KGD4: variants seen among roughly 807,000 people sequenced by gnomAD.
KGD4 encodes the protein alpha-ketoglutarate dehydrogenase component 4.
chr5:69,224,704 C>T, the KGD4 span, among the ~76,000 whole-genome samples: 10 of 151,986 alleles, frequency 6.6e-5, no homozygotes, highest in Admixed American at 3.9e-4. Flanking sequence ...GCGGAGGTTG[C>T]GGTAAGGCCA....
chr5:69,225,129 G>A, the KGD4 span, among the ~76,000 whole-genome samples: 1 of 150,990 alleles, frequency 6.6e-6, no homozygotes, highest in African/African-American at 2.4e-5. Flanking sequence ...CTTTGAGATG[G>A]GGTCTCACTC....
chr5:69,225,262 AT>A, the KGD4 span, among the ~76,000 whole-genome samples: 10,049 of 104,178 alleles, frequency 0.096, 372 homozygotes, highest in Admixed American at 0.16. Flanking sequence ...ATAGCACCAC[AT>A]TTTTTTTTTT....
At chr5:69,223,893 T>C in the KGD4 span, among the ~76,000 whole-genome samples, 90,942 of 151,464 alleles carry the variant, frequency 0.6, 27,768 homozygotes, top group African/African-American at 0.71. Context: ...ATTAGCCGGG[T>C]GTGGTGGCGG....
chr5:69,218,347 C>G, the KGD4 span, among the ~76,000 whole-genome samples: 48 of 152,202 alleles, frequency 3.2e-4, no homozygotes, highest in African/African-American at 1.0e-3. Context: ...GGCAACTGGC[C>G]CCGCGTACTG....
chr5:69,229,261 T>C, the KGD4 span: 291 of 1,593,076 alleles, frequency 1.8e-4, 1 homozygote, highest in Admixed American at 1.7e-4. Flanking sequence ...GACAATAGAA[T>C]TGTCTTTACA....
chr5:69,228,886 G>A, the KGD4 span, among the ~76,000 whole-genome samples: 1 of 151,752 alleles, frequency 6.6e-6, no homozygotes, highest in African/African-American at 2.4e-5. Context: ...GTGGTGGTGG[G>A]TACCTGTAAT....
chr5:69,225,709 T>C, the KGD4 span, among the ~76,000 whole-genome samples: 1 of 151,916 alleles, frequency 6.6e-6, no homozygotes, highest in Admixed American at 6.6e-5. Flanking sequence ...GCCTCCCAAG[T>C]AGCTAGGATT....
At chr5:69,228,757 G>A in the KGD4 span, among the ~76,000 whole-genome samples, 1 of 152,102 alleles carries the variant, frequency 6.6e-6, no homozygotes, top group Non-Finnish European at 1.5e-5. Context: ...GCTCATGCCT[G>A]TAATCCCAGC....
chr5:69,226,911 G>T, the KGD4 span, among the ~76,000 whole-genome samples: 1 of 151,658 alleles, frequency 6.6e-6, no homozygotes, highest in Admixed American at 6.6e-5. Context: ...TTGCTCTGTC[G>T]CCCAGGCTGG....
chr5:69,228,093 A>G, the KGD4 span: 6 of 854,288 alleles, frequency 7.0e-6, no homozygotes, highest in Non-Finnish European at 1.0e-5. Context: ...TATTTGAAGA[A>G]TGACTTCATT....
chr5:69,222,454 C>T, the KGD4 span, among the ~76,000 whole-genome samples: 139 of 152,270 alleles, frequency 9.1e-4, 1 homozygote, highest in Non-Finnish European at 7.2e-4. Context: ...GTACATAAGA[C>T]AGTAGGGGAG....
chr5:69,228,717 T>C, the KGD4 span, among the ~76,000 whole-genome samples: 2 of 152,036 alleles, frequency 1.3e-5, no homozygotes, highest in Non-Finnish European at 2.9e-5. Flanking sequence ...TCTGAAATTA[T>C]AAGAATTGAT....
At chr5:69,219,346 A>G in the KGD4 span, among the ~76,000 whole-genome samples, 3 of 152,126 alleles carry the variant, frequency 2.0e-5, no homozygotes, top group African/African-American at 7.2e-5. Context: ...GAAAAAAAAG[A>G]GTTACTAGCA....
the KGD4 span, among the ~76,000 whole-genome samples, chr5:69,225,960 C>A: frequency 1.3e-5 from 2 of 152,228 alleles, no homozygotes; most frequent in South Asian, 4.1e-4. Context: ...CAAACTCCTG[C>A]ACTCACGCAA....
At chr5:69,217,776 C>T in the KGD4 span, 2 of 1,612,300 alleles carry the variant, frequency 1.2e-6, no homozygotes, top group Non-Finnish European at 1.7e-6. Flanking sequence ...GCCCGGGACT[C>T]CAGTGATCGC....
chr5:69,220,247 CAT>C, the KGD4 span, among the ~76,000 whole-genome samples: 2 of 150,752 alleles, frequency 1.3e-5, no homozygotes, highest in African/African-American at 4.9e-5. Flanking sequence ...AACAAAAAAA[CAT>C]AGAGCTTAGA....
chr5:69,229,108 A>T, the KGD4 span: 1 of 948,770 alleles, frequency 1.1e-6, no homozygotes, highest in Non-Finnish European at 1.7e-6. Context: ...AAAACCAAAG[A>T]TTACTTACTG....
the KGD4 span, among the ~76,000 whole-genome samples, chr5:69,226,742 G>A: frequency 7.2e-5 from 11 of 151,948 alleles, no homozygotes; most frequent in Admixed American, 1.3e-4. Context: ...CCAGCTACTC[G>A]GGAGGCTGAG....
At chr5:69,229,125 G>A in the KGD4 span, 1 of 1,126,848 alleles carries the variant, frequency 8.9e-7, no homozygotes, top group Non-Finnish European at 1.3e-6. Context: ...ACTGAAGATT[G>A]TATAAATTTG....
Sources: allele counts gnomAD v4.1 joint callset (sites outside exome capture counted in the v4.1 genomes callset), GRCh38; gene constraint gnomAD v4.1.1; transcripts MANE v1.5; gene names NCBI Gene and HGNC (gene_info 2026-07-23, HGNC 2026-07-21).